CDIN1: variants seen among roughly 807,000 people sequenced by gnomAD.
CDIN1 encodes CDAN1-interacting nuclease 1.
CDIN1 carries 33 observed loss-of-function variants against 45.3 expected under a neutral mutation model. The ratio of observed to expected loss-of-function variants is 0.73; its 90% CI spans 0.55 to 0.97. CDIN1 has a LOEUF of 0.97. CDIN1 is among the 50% of genes least tolerant of loss of function. The pLI is 0.00. For synonymous variants in CDIN1, 118 were observed against 124.4 expected, an observed-to-expected ratio of 0.95 and a Z score of 0.34; for missense variants, 303 against 339.4, an observed-to-expected ratio of 0.89 and a Z score of 0.84.
intron 3 of CDIN1, among the ~76,000 whole-genome samples, chr15:36,646,788 A>T (rs1194401912): frequency 6.6e-6 from 1 of 152,134 alleles, no homozygotes; most frequent in Non-Finnish European, 1.5e-5. Flanking sequence ...TTTAAAGGAA[A>T]ATGTGCTCTT....
At chr15:36,763,531 G>C (rs1197748220) in intron 10 of CDIN1, among the ~76,000 whole-genome samples, 1 of 152,096 alleles carries the variant, frequency 6.6e-6, no homozygotes, top group African/African-American at 2.4e-5. Flanking sequence ...GGAACCCAAG[G>C]TGTCAAAACA....
At chr15:36,797,695 C>T (rs1008725375) in intron 10 of CDIN1, among the ~76,000 whole-genome samples, 4 of 151,900 alleles carry the variant, frequency 2.6e-5, no homozygotes, top group African/African-American at 4.8e-5. Flanking sequence ...AATGACTTTC[C>T]GTGGCCAGGC....
intron 8 of CDIN1, among the ~76,000 whole-genome samples, chr15:36,702,343 T>C (rs1467084115): frequency 1.3e-5 from 2 of 152,216 alleles, no homozygotes; most frequent in African/African-American, 2.4e-5. Context: ...AATGTGCTTG[T>C]GCATGCTTCT....
At chr15:36,580,069 A>C in intron 1 of CDIN1, 108 bp downstream of exon 1, 2 of 943,434 alleles carry the variant, frequency 2.1e-6, no homozygotes, top group African/African-American at 1.7e-5. Flanking sequence ...GGGGAGGAAC[A>C]CCAGTGTCAG....
At chr15:36,636,262 A>G (rs2140369415) in intron 1 of CDIN1, among the ~76,000 whole-genome samples, 1 of 152,266 alleles carries the variant, frequency 6.6e-6, no homozygotes, top group African/African-American at 2.4e-5. Flanking sequence ...TTATTAAAAG[A>G]AGGTAATGGG....
At chr15:36,677,909 A>G (rs1295583880) in intron 5 of CDIN1, among the ~76,000 whole-genome samples, 1 of 152,162 alleles carries the variant, frequency 6.6e-6, no homozygotes, top group Non-Finnish European at 1.5e-5. Context: ...TGCTTGTTGG[A>G]TAAGGATTGG....
At chr15:36,714,782 G>T (rs2140854644) in intron 10 of CDIN1, among the ~76,000 whole-genome samples, 1 of 152,234 alleles carries the variant, frequency 6.6e-6, no homozygotes, top group African/African-American at 2.4e-5. Flanking sequence ...GCACACTCTG[G>T]TTGTCTGCCC....
chr15:36,618,559 A>G (rs2039004816), intron 1 of CDIN1: 2 of 933,964 alleles, frequency 2.1e-6, no homozygotes, highest in Admixed American at 1.7e-5. Context: ...AAGTTCATCA[A>G]GAATCCCAGA....
At chr15:36,580,346 C>A (rs763324789) in intron 1 of CDIN1, among the ~76,000 whole-genome samples, 14 of 152,074 alleles carry the variant, frequency 9.2e-5, no homozygotes, top group Non-Finnish European at 1.6e-4. Flanking sequence ...AATGGAGGAC[C>A]CTTTTCAATT....
chr15:36,645,229 A>G lies in CDIN1; in HGVS notation c.154A>G (p.Ile52Val), dbSNP rs1365925235. ...SIFSQEYQKH[I>V]KRTHAKHHTS... ...GTTGTTTTTTTTCTTTCAGAAACAC[A>G]TTAAAAGAACACATGCCAAACATCA... Residue 52 changes from isoleucine (I) to valine (V), a missense_variant, in exon 3 of 11, where the codon ATT (isoleucine) becomes GTT (valine). Ile to Val is a conservative substitution (Grantham distance 29). Transcript: ENST00000566621. The G allele has an allele frequency of 4.5e-6, 7 of 1,552,038 alleles. No individual in the cohort carries two copies. Among genetic ancestry groups the G allele is most frequent in the East Asian group, 2.4e-5 (1 of 41,024 alleles).
At chr15:36,806,916 A>G (rs2055247639) in intron 10 of CDIN1, among the ~76,000 whole-genome samples, 1 of 152,106 alleles carries the variant, frequency 6.6e-6, no homozygotes. Context: ...CCCCAAAGGA[A>G]TCTCTTCTTT....
intron 10 of CDIN1, among the ~76,000 whole-genome samples, chr15:36,774,807 C>A (rs942443598): frequency 6.6e-6 from 1 of 152,124 alleles, no homozygotes; most frequent in Admixed American, 6.5e-5. Flanking sequence ...ATAAATCTGT[C>A]GCATTATTAA....
chr15:36,582,255 A>T (rs1006717602), intron 1 of CDIN1, among the ~76,000 whole-genome samples: 5 of 152,212 alleles, frequency 3.3e-5, no homozygotes, highest in African/African-American at 1.2e-4. Flanking sequence ...AAAAGTAGCT[A>T]GTTCAGCTCT....
chr15:36,616,658 T>C (rs376643153), intron 1 of CDIN1, among the ~76,000 whole-genome samples: 4 of 152,178 alleles, frequency 2.6e-5, no homozygotes, highest in African/African-American at 9.6e-5. Flanking sequence ...CTCACACCTA[T>C]AATCCTAACA....
chr15:36,757,675 C>T lies in CDIN1; in HGVS notation c.716+47714C>T, dbSNP rs549589888. On this transcript the variant is annotated intron_variant, in intron 10 of 10. Transcript: ENST00000566621. ...TGTACACTACCCGCCTGTTAGCAGC[C>T]ACATCTTCTGCTCCTGACATCTAGA... Among the ~76,000 whole-genome samples the T allele has an allele frequency of 1.7e-3, 265 of 152,214 alleles. 2 individuals carry two copies. The highest frequency in any genetic ancestry group is 6.0e-3 in the African/African-American group (251 of 41,538).
intron 1 of CDIN1, among the ~76,000 whole-genome samples, chr15:36,610,244 A>G (rs749977262): frequency 1.2e-4 from 19 of 152,254 alleles, no homozygotes; most frequent in Non-Finnish European, 2.4e-4. Flanking sequence ...TGACTAAAGC[A>G]AGGGGCATGT....
At chr15:36,769,572 A>G (rs1483332559) in intron 10 of CDIN1, among the ~76,000 whole-genome samples, 1 of 152,208 alleles carries the variant, frequency 6.6e-6, no homozygotes, top group Non-Finnish European at 1.5e-5. Context: ...CAACATCTGG[A>G]TTAGCATTTG....
chr15:36,648,193 C>T (rs1256418601), intron 3 of CDIN1, among the ~76,000 whole-genome samples: 1 of 151,980 alleles, frequency 6.6e-6, no homozygotes, highest in African/African-American at 2.4e-5. Flanking sequence ...ACTCAGAGAT[C>T]TCTACTGGCA....
chr15:36,792,641 T>A (rs1242044767), intron 10 of CDIN1, among the ~76,000 whole-genome samples: 1 of 152,162 alleles, frequency 6.6e-6, no homozygotes, highest in Non-Finnish European at 1.5e-5. Flanking sequence ...ATGTACGCTT[T>A]TCTTGAATCT....
Sources: allele counts gnomAD v4.1 joint callset (sites outside exome capture counted in the v4.1 genomes callset), GRCh38; gene constraint gnomAD v4.1.1; transcripts MANE v1.5; gene names NCBI Gene and HGNC (gene_info 2026-07-23, HGNC 2026-07-21).